Variants in ATL2 observed in about 807,000 individuals in gnomAD.
The protein encoded by ATL2 is atlastin GTPase 2.
In ATL2, 31 loss-of-function variants were observed where a neutral mutation model predicts 73.9. That is an observed-to-expected ratio of 0.42 (90% CI 0.32 to 0.57). ATL2 has a LOEUF of 0.57. Among genes scored for constraint, ATL2 ranks in the 20% least tolerant of loss-of-function variants. The pLI, the probability that ATL2 is intolerant of heterozygous loss-of-function variation, is 0.14. For synonymous variants in ATL2, 291 were observed against 237.5 expected (o/e 1.23, Z -2.07); for missense variants, 738 against 702.6 (o/e 1.05, Z -0.57).
In ATL2 at chr2:38,317,979, C is replaced by CT. The variant is rs562034434; in HGVS notation, c.603+555dup. ...GCTCTCAAGAAATGTAAATAGCTTC[C>CT]TTTTTTTTCCCTTCAATCAAAAGGC... On this transcript the variant is annotated intron_variant, in intron 4 of 12. Coordinates refer to ENST00000378954, the MANE Select transcript of ATL2 (RefSeq NM_001135673.4). Among the ~76,000 whole-genome samples, 121 of 151,948 alleles carry CT rather than the reference C, an allele frequency of 8.0e-4. 1 individual carries two copies. Among genetic ancestry groups the CT allele is most frequent in the Non-Finnish European group, 1.6e-3 (108 of 67,924 alleles).
At chr2:38,343,708 G>A (rs1215264227) in intron 1 of ATL2, among the ~76,000 whole-genome samples, 196 bp from the exon 2 acceptor site, 1 of 152,056 alleles carries the variant, frequency 6.6e-6, no homozygotes, top group African/African-American at 2.4e-5. Context: ...CACTTGATAT[G>A]GTTGGCTGTG....
In ATL2 at chr2:38,377,138, C is replaced by G. The variant is rs1042882479; in HGVS notation, c.118+5G>C. The G allele has an allele frequency of 1.9e-6, 3 of 1,609,584 alleles. No homozygotes were observed. Among genetic ancestry groups the G allele is most frequent in the South Asian group, 1.1e-5 (1 of 90,910 alleles). Reference sequence around the variant, plus strand: ...CCCCGCGGCCTCTGCCTCGCTGGCCCGTACCTAGGGAGGTCGTGGACGAGA... The same window carrying G: ...CCCCGCGGCCTCTGCCTCGCTGGCCGGTACCTAGGGAGGTCGTGGACGAGA... On this transcript the variant is annotated splice_donor_5th_base_variant and intron_variant, in intron 1 of 12. Transcript: ENST00000378954.
intron 7 of ATL2, among the ~76,000 whole-genome samples, chr2:38,312,579 C>T (rs947606855): frequency 3.0e-4 from 45 of 152,106 alleles, no homozygotes; most frequent in Admixed American, 2.3e-3. Context: ...GGCGTGGTGG[C>T]GGGCGCCTGT....
chr2:38,357,960 T>C (rs1670775841), intron 1 of ATL2, among the ~76,000 whole-genome samples: 1 of 152,164 alleles, frequency 6.6e-6, no homozygotes, highest in Non-Finnish European at 1.5e-5. Flanking sequence ...CCAGGTCTTA[T>C]TTAGTGTTAT....
chr2:38,304,572 TATTA>T (rs1230487363), intron 9 of ATL2, among the ~76,000 whole-genome samples: 1 of 152,140 alleles, frequency 6.6e-6, no homozygotes, highest in Non-Finnish European at 1.5e-5. Flanking sequence ...CTATAAAAAA[TATTA>T]ATTAACAACC....
chr2:38,377,072 T>A (rs1339291885), intron 1 of ATL2, 71 bp downstream of exon 1: 2 of 1,456,402 alleles, frequency 1.4e-6, no homozygotes, highest in African/African-American at 3.0e-5. Flanking sequence ...CTGCGGCCGG[T>A]GCCCGCGAGC....
intron 1 of ATL2, among the ~76,000 whole-genome samples, chr2:38,356,012 A>T (rs1169392764): frequency 1.3e-5 from 2 of 151,624 alleles, no homozygotes; most frequent in Non-Finnish European, 1.5e-5. Context: ...TGGAGAGTTT[A>T]ACAACTCTAA....
chr2:38,376,274 G>GAA (rs1671959636), intron 1 of ATL2: 2 of 1,373,852 alleles, frequency 1.5e-6, no homozygotes, highest in African/African-American at 2.9e-5. Context: ...TGAGTGAGAG[G>GAA]GATACACTGC....
intron 10 of ATL2, 109 bp from the exon 11 acceptor site, chr2:38,299,436 GA>G: frequency 7.1e-6 from 8 of 1,127,828 alleles, no homozygotes; most frequent in Non-Finnish European, 9.5e-6. Context: ...ATGAACCAGA[GA>G]AAGTAACTTC....
At chr2:38,333,123 G>A (rs1275264159) in intron 2 of ATL2, among the ~76,000 whole-genome samples, 3 of 152,142 alleles carry the variant, frequency 2.0e-5, no homozygotes, top group Admixed American at 6.5e-5. Context: ...AGCACTTTGG[G>A]AAGCCAAAAC....
rs1668191520 is a variant in ATL2, at chr2:38,319,280, G to T, written c.364-261C>A. Among the ~76,000 whole-genome samples, 3 of 152,228 alleles carry T rather than the reference G, an allele frequency of 2.0e-5. No individual in the cohort carries two copies. In the South Asian group the frequency reaches 6.2e-4, roughly 32 times the overall value. Reference sequence around the variant, plus strand: ...CTCTCTAGGCTTCTAAATAAGTGGGGTTATACTCACTTTCCCCCTTTTCTG... The same window carrying T: ...CTCTCTAGGCTTCTAAATAAGTGGGTTTATACTCACTTTCCCCCTTTTCTG... On this transcript the variant is annotated intron_variant, in intron 2 of 12. Coordinates refer to ENST00000378954, the MANE Select transcript of ATL2 (RefSeq NM_001135673.4).
At chr2:38,343,149 TAAAAAAAAAAAAAAAA>T (rs59215933) in intron 2 of ATL2, 103 bp downstream of exon 2, 35 of 364,480 alleles carry the variant, frequency 9.6e-5, no homozygotes, top group East Asian at 2.4e-4. Flanking sequence ...CCACTTAAAT[TAAAAAAAAAAAAAAAA>T]AAAAAAAAAA....
intron 8 of ATL2, among the ~76,000 whole-genome samples, chr2:38,310,095 CATT>C (rs1426155132): frequency 6.6e-6 from 1 of 152,152 alleles, no homozygotes; most frequent in Non-Finnish European, 1.5e-5. Flanking sequence ...GAGCAACAGA[CATT>C]ATAAAATAGG....
chr2:38,322,367 T>C (rs1442068742), intron 2 of ATL2, among the ~76,000 whole-genome samples: 4 of 152,174 alleles, frequency 2.6e-5, no homozygotes, highest in African/African-American at 7.2e-5. Context: ...AGTATTCCCA[T>C]CACAGAGAAG....
intron 1 of ATL2, among the ~76,000 whole-genome samples, chr2:38,349,541 G>A (rs1169444185): frequency 2.1e-5 from 2 of 97,058 alleles, no homozygotes; most frequent in Non-Finnish European, 3.8e-5. Context: ...GGGGAGGGGG[G>A]AGGGATAGCA....
intron 2 of ATL2, among the ~76,000 whole-genome samples, chr2:38,337,094 AAGAG>A (rs1298433269): frequency 6.6e-6 from 1 of 152,094 alleles, no homozygotes; most frequent in African/African-American, 2.4e-5. Context: ...TGCCAAGAAA[AAGAG>A]AGGGAGGGAG....
chr2:38,299,543 T>G (rs1398685584), intron 10 of ATL2, among the ~76,000 whole-genome samples: 1 of 152,136 alleles, frequency 6.6e-6, no homozygotes, highest in Non-Finnish European at 1.5e-5. Flanking sequence ...TTTGCTTAGG[T>G]TGATGTTAAA....
At chr2:38,354,200 G>T (rs1213112963) in intron 1 of ATL2, 1 of 415,976 alleles carries the variant, frequency 2.4e-6, no homozygotes, top group East Asian at 8.5e-5. Flanking sequence ...AAAGCAAAGA[G>T]TATCTGTCAT....
chr2:38,302,627 C>A (rs1273665664), intron 9 of ATL2, among the ~76,000 whole-genome samples: 1 of 152,192 alleles, frequency 6.6e-6, no homozygotes, highest in African/African-American at 2.4e-5. Flanking sequence ...GACAGAGACT[C>A]CATTTGTTTG....
Sources: gnomAD v4.1 joint callset for allele counts (sites outside exome capture counted in the v4.1 genomes callset) on GRCh38, gnomAD v4.1.1 for gene constraint, MANE v1.5 for transcripts, NCBI Gene and HGNC (gene_info 2026-07-23, HGNC 2026-07-21) for gene names.